TLN2: variants seen among roughly 807,000 people sequenced by gnomAD.
The protein encoded by TLN2 is talin 2.
TLN2 carries 118 observed loss-of-function variants against 294.7 expected under a neutral mutation model. That is an observed-to-expected ratio of 0.40 (90% confidence interval 0.34 to 0.47). The LOEUF (loss-of-function observed/expected upper bound fraction) is 0.47, where lower values mean the gene tolerates loss of function less well. Ranked by LOEUF, TLN2 falls within the 20% of genes least tolerant of loss-of-function variation. The probability of loss-of-function intolerance (pLI) is 0.84; values close to 1 mark genes in which losing one functional copy is unlikely to be tolerated. For missense variants in TLN2, 3,083 were observed against 3,282.2 expected (o/e 0.94, Z 1.48); for synonymous variants, 1,431 against 1,304.5 (o/e 1.10, Z -2.09).
intron 11 of TLN2, among the ~76,000 whole-genome samples, chr15:62,680,077 C>T (rs1383473667): frequency 4.6e-5 from 7 of 152,150 alleles, no homozygotes. Context: ...TCAACTTTAG[C>T]TATAAAGTAA....
Position 62,682,062 on chromosome 15 carries a change from T to G in TLN2, c.958-4579T>G, listed in dbSNP as rs1424902465. Among the ~76,000 whole-genome samples the G allele has an allele frequency of 2.0e-5, 3 of 152,326 alleles. No individual in the cohort carries two copies. In the East Asian group the frequency reaches 5.8e-4, roughly 29 times the overall value. Reference sequence around the variant, plus strand: ...GAGCCACTGTATCTGGCCTGATAAATTTTAGATGATCCCAGTCACTGAACT... The same window carrying G: ...GAGCCACTGTATCTGGCCTGATAAAGTTTAGATGATCCCAGTCACTGAACT... On this transcript the variant is annotated intron_variant, in intron 11 of 58. Coordinates refer to ENST00000636159, the MANE Select transcript of TLN2 (RefSeq NM_015059.3).
At chr15:62,647,609 T>C (rs1340995377) in intron 4 of TLN2, among the ~76,000 whole-genome samples, 163 bp downstream of exon 4, 5 of 152,240 alleles carry the variant, frequency 3.3e-5, no homozygotes, top group African/African-American at 7.2e-5. Flanking sequence ...TCTGTGAGAC[T>C]TGTGATTACA....
chr15:62,787,897 G>T (rs1193226910), intron 45 of TLN2, among the ~76,000 whole-genome samples: 3 of 150,246 alleles, frequency 2.0e-5, no homozygotes, highest in Non-Finnish European at 4.4e-5. Flanking sequence ...TTGCTACATT[G>T]TCCAGGCTGG....
Position 62,766,365 on chromosome 15 carries a change from C to T in TLN2, c.5139C>T (p.His1713=). Residue 1713 remains histidine, a synonymous_variant, in exon 41 of 59, where the codon CAC becomes CAT. Transcript: ENST00000636159. Reference sequence around the variant, plus strand: ...CTTCGGTGGTCCAGGAAATCGGACACCTTATCGATCCCATCGCCACAGCGG... The same window carrying T: ...CTTCGGTGGTCCAGGAAATCGGACATCTTATCGATCCCATCGCCACAGCGG... ...QLTSVVQEIG[H]LIDPIATAAR... is the part of the protein sequence containing the mutation. 1.2e-6 allele frequency: 2 copies of T among 1,613,290 alleles called. No homozygotes were observed. Among genetic ancestry groups the T allele is most frequent in the Non-Finnish European group, 1.7e-6 (2 of 1,179,340 alleles).
intron 1 of TLN2, among the ~76,000 whole-genome samples, chr15:62,426,981 A>C (rs2034753134): frequency 6.6e-6 from 1 of 152,176 alleles, no homozygotes; most frequent in Admixed American, 6.5e-5. Context: ...TTATAGCTTA[A>C]GCAAAAGGTA....
chr15:62,666,652 G>A (rs995659855), intron 9 of TLN2, among the ~76,000 whole-genome samples: 6 of 152,202 alleles, frequency 3.9e-5, no homozygotes, highest in Admixed American at 2.6e-4. Context: ...GCTGTTTTCT[G>A]TTTCCACTTT....
At chr15:62,822,240 T>C (rs912075960) in intron 54 of TLN2, among the ~76,000 whole-genome samples, 6 of 152,210 alleles carry the variant, frequency 3.9e-5, no homozygotes, top group African/African-American at 1.4e-4. Context: ...GTTATAATAA[T>C]TAAATAAGAT....
chr15:62,640,171 C>T (rs1458520560), intron 3 of TLN2: 1 of 455,866 alleles, frequency 2.2e-6, no homozygotes. Context: ...TGCAGAGGAG[C>T]TACTTCTCTT....
chr15:62,727,985 A>G (rs1055117462), intron 28 of TLN2, among the ~76,000 whole-genome samples: 8 of 152,146 alleles, frequency 5.3e-5, no homozygotes, highest in Admixed American at 3.3e-4. Flanking sequence ...ATCAAAGTAT[A>G]ATATATGCAC....
intron 3 of TLN2, among the ~76,000 whole-genome samples, chr15:62,634,299 G>A (rs957098169): frequency 6.6e-6 from 1 of 152,156 alleles, no homozygotes; most frequent in African/African-American, 2.4e-5. Flanking sequence ...CTTTAGTCCT[G>A]CCATTTCTTT....
Position 62,753,923 on chromosome 15 carries a change from G to T in TLN2, c.4476+7G>T, listed in dbSNP as rs1382454898. On this transcript the variant is annotated splice_region_variant and intron_variant, in intron 36 of 58. Transcript: ENST00000636159. ...TGGCAGCAGCCCATCACAGGTAACTGTTGGGGAGGATGTAAGATTTCAAGC... is the reference window on the plus strand; with the variant it reads ...TGGCAGCAGCCCATCACAGGTAACTTTTGGGGAGGATGTAAGATTTCAAGC... 1 of 1,580,536 alleles carries T rather than the reference G, an allele frequency of 6.3e-7. No individual in the cohort carries two copies.
intron 3 of TLN2, among the ~76,000 whole-genome samples, chr15:62,627,414 A>G (rs2049376445): frequency 1.3e-5 from 2 of 152,340 alleles, no homozygotes; most frequent in South Asian, 4.1e-4. Context: ...GGGGCTAGCC[A>G]AAGAGGGAAT....
intron 1 of TLN2, among the ~76,000 whole-genome samples, chr15:62,550,106 C>A (rs1415826629): frequency 1.3e-5 from 2 of 151,750 alleles, no homozygotes; most frequent in Non-Finnish European, 2.9e-5. Context: ...AGGGGAAGAG[C>A]AGGAGTCTGG....
chr15:62,465,268 C>T (rs1328951776), intron 1 of TLN2, among the ~76,000 whole-genome samples: 5 of 151,968 alleles, frequency 3.3e-5, no homozygotes, highest in African/African-American at 7.3e-5. Context: ...CTTACTTTCC[C>T]GTTGGCCTAG....
At chr15:62,669,847 T>C (rs1324953208) in intron 9 of TLN2, among the ~76,000 whole-genome samples, 1 of 152,124 alleles carries the variant, frequency 6.6e-6, no homozygotes, top group Non-Finnish European at 1.5e-5. Flanking sequence ...CTGGGGAAAA[T>C]ACATGCCACA....
intron 1 of TLN2, among the ~76,000 whole-genome samples, chr15:62,546,353 G>C (rs2041994001): frequency 6.6e-6 from 1 of 152,210 alleles, no homozygotes; most frequent in Non-Finnish European, 1.5e-5. Flanking sequence ...ATTGAAAAGT[G>C]CTGATAGAGA....
intron 7 of TLN2, among the ~76,000 whole-genome samples, chr15:62,653,704 G>A (rs1363903139): frequency 6.6e-6 from 1 of 151,288 alleles, no homozygotes; most frequent in Admixed American, 6.6e-5. Flanking sequence ...TCCAGCCTGG[G>A]TGACAGAGTG....
intron 1 of TLN2, among the ~76,000 whole-genome samples, chr15:62,477,307 G>A (rs932839535): frequency 1.3e-5 from 2 of 152,220 alleles, no homozygotes; most frequent in African/African-American, 4.8e-5. Flanking sequence ...CACACTTGGA[G>A]AAGTAAGGCT....
rs1289555672 is a variant in TLN2, at chr15:62,712,017, G to T, written c.2574G>T (p.Lys858Asn). 6.2e-7 allele frequency: 1 copy of T among 1,614,198 alleles called. No homozygotes were observed. Among genetic ancestry groups the T allele is most frequent in the Admixed American group, 1.7e-5 (1 of 60,032 alleles). The part of the protein sequence containing the change: ...EAEIDMENSK[K>N]LLAAAKLLAD... ...AAATCGACATGGAGAATTCAAAGAA[G>T]CTCCTGGCAGCAGCAAAACTCTTAG... Residue 858 changes from lysine (K) to asparagine (N), a missense_variant, in exon 22 of 59, where the codon AAG (lysine) becomes AAT (asparagine). Lys to Asn is a moderately conservative substitution (Grantham distance 94). Coordinates refer to ENST00000636159, the MANE Select transcript of TLN2 (RefSeq NM_015059.3).
Sources: gnomAD v4.1 joint callset for allele counts (sites outside exome capture counted in the v4.1 genomes callset) on GRCh38, gnomAD v4.1.1 for gene constraint, MANE v1.5 for transcripts, NCBI Gene and HGNC (gene_info 2026-07-23, HGNC 2026-07-21) for gene names.